Variants in GABRE observed in about 807,000 individuals in gnomAD.
GABRE encodes the protein gamma-aminobutyric acid type A receptor subunit epsilon, also known as gamma-aminobutyric acid receptor subunit epsilon.
A neutral mutation model predicts 31.0 loss-of-function variants in GABRE; 20 were observed. The ratio of observed to expected loss-of-function variants is 0.64; its 90% CI spans 0.45 to 0.94. The LOEUF is 0.94. Among genes scored for constraint, GABRE ranks in the 40% least tolerant of loss-of-function variants. The probability of loss-of-function intolerance (pLI) is 0.00; values close to 1 mark genes in which losing one functional copy is unlikely to be tolerated. For synonymous variants in GABRE, 155 were observed against 150.6 expected, an observed-to-expected ratio of 1.03 and a Z score of -0.21; for missense variants, 420 against 410.7, an observed-to-expected ratio of 1.02 and a Z score of -0.20.
rs1204946997 is a variant in GABRE at position 151,954,575 on chromosome X, G to A, written c.*126C>T. 1 of 501,416 alleles carries A rather than the reference G, an allele frequency of 2.0e-6. No individual in the cohort carries two copies. Among genetic ancestry groups the A allele is most frequent in the Admixed American group, 4.1e-5 (1 of 24,114 alleles). 41.3% of individuals were successfully genotyped at this position (501,416 alleles called of 1,213,427 possible). On this transcript the variant is annotated 3_prime_UTR_variant, in exon 9 of 9. Transcript: ENST00000370328. ...CAAACCCTCTGCAAGCTTCTGTTTG[G>A]GGAATGGGGCAGGAAAAACTCTAGT... is the stretch of plus-strand genomic sequence containing the variant.
chrX:151,962,193 G>GT (rs1206876339), intron 4 of GABRE, among the ~76,000 whole-genome samples: 3 of 112,001 alleles, frequency 2.7e-5, no homozygotes, highest in Admixed American at 9.5e-5. Context: ...AAGTAACTGA[G>GT]TACCAGTTCC....
At chrX:151,965,210 A>G (rs73618908) in intron 3 of GABRE, among the ~76,000 whole-genome samples, 1,346 of 111,605 alleles carry the variant, frequency 0.012, 19 homozygotes, top group African/African-American at 0.042. Flanking sequence ...ATTTAGTCTC[A>G]TGTTTTTTAA....
In GABRE at chrX:151,954,856, A is replaced by ACTT; in HGVS notation, c.1363_1365dup (p.Lys455dup). The ACTT allele has an allele frequency of 4.1e-6, 5 of 1,211,685 alleles. No individual in the cohort carries two copies. The South Asian group carries it at 8.8e-5, about 21-fold the overall frequency. On this transcript the variant is annotated inframe_insertion, in exon 9 of 9. Coordinates refer to ENST00000370328, the MANE Select transcript of GABRE (RefSeq NM_004961.4). ...TCACAATCGGGGACCATGCAGAAGT[A>ACTT]CTTCTTAAAACGCTTGCACCACTCA...
chrX:151,962,858 A>G (rs1934425105), intron 3 of GABRE, among the ~76,000 whole-genome samples: 1 of 111,639 alleles, frequency 9.0e-6, no homozygotes, highest in African/African-American at 3.3e-5. Flanking sequence ...CTCAGAGGTT[A>G]CCAAGCCTAA....
intron 6 of GABRE, chrX:151,956,593 A>G (rs1413851420): frequency 8.9e-6 from 1 of 112,489 alleles, no homozygotes; most frequent in Non-Finnish European, 1.9e-5. Context: ...GATGGCCTGC[A>G]ATTTTACACC....
rs761819053 is a variant in GABRE at position 151,970,275 on chromosome X, C to A, written c.184G>T (p.Gly62Trp). Reference sequence around the variant, plus strand: ...TCTGGCAGTTTGCCAACTCTGCTCCCAGTCTCAGTCTCAGTTGACTTTGTT... The same window carrying A: ...TCTGGCAGTTTGCCAACTCTGCTCCAAGTCTCAGTCTCAGTTGACTTTGTT... ...EETKSTETET[G>W]SRVGKLPEAS... Residue 62 changes from glycine (G) to tryptophan (W), a missense_variant, in exon 2 of 9, where the codon GGG becomes TGG. By Grantham distance (184) the Gly-to-Trp change is radical (BLOSUM62 -2). Transcript: ENST00000370328. 1.7e-6 allele frequency: 2 copies of A among 1,211,983 alleles called. No individual in the cohort carries two copies. The highest frequency in any genetic ancestry group is 3.5e-5 in the South Asian group (2 of 56,962).
chrX:151,963,574 T>C (rs1034900947), intron 3 of GABRE, among the ~76,000 whole-genome samples: 1 of 112,418 alleles, frequency 8.9e-6, no homozygotes, highest in Admixed American at 9.4e-5. Flanking sequence ...ATGCAGATCT[T>C]ACTGACATGG....
rs1701722293 is a variant in GABRE at position 151,961,866 on chromosome X, T to C, written c.564-501A>G. 3.6e-5 allele frequency among the ~76,000 whole-genome samples: 4 copies of C among 111,183 alleles called. No homozygotes were observed. In the South Asian group the frequency reaches 1.5e-3, roughly 42 times the overall value. On this transcript the variant is annotated intron_variant, in intron 4 of 8. Coordinates refer to ENST00000370328, the MANE Select transcript of GABRE (RefSeq NM_004961.4). ...ACAAAACAAACAAACAGCTTAGAAG[T>C]ATCTGGTTACTCTGGGCTCCATCAT...
At chrX:151,962,828 A>T (rs1179229968) in intron 3 of GABRE, among the ~76,000 whole-genome samples, 185 bp from the exon 4 acceptor site, 1 of 111,725 alleles carries the variant, frequency 9.0e-6, no homozygotes, top group Non-Finnish European at 1.9e-5. Flanking sequence ...GACTCTTCCA[A>T]TGTCAGAACT....
chrX:151,974,445 G>A, intron 1 of GABRE, 125 bp downstream of exon 1: 1 of 456,613 alleles, frequency 2.2e-6, no homozygotes, highest in South Asian at 4.4e-5. Flanking sequence ...CCCGCGGTAG[G>A]GCCGGGGCAA....
intron 1 of GABRE, chrX:151,971,091 T>C: frequency 1.2e-6 from 1 of 828,638 alleles, no homozygotes; most frequent in Non-Finnish European, 1.5e-6. Context: ...TAAGAATAAT[T>C]GAATTAAACA....
intron 3 of GABRE, among the ~76,000 whole-genome samples, chrX:151,966,982 A>C (rs935425200): frequency 8.9e-6 from 1 of 111,871 alleles, no homozygotes; most frequent in Admixed American, 9.5e-5. Context: ...AGCTACTGTG[A>C]GTGGGGCTAC....
chrX:151,968,831 G>T (rs1277731310), intron 3 of GABRE, among the ~76,000 whole-genome samples: 2 of 112,161 alleles, frequency 1.8e-5, no homozygotes, highest in Admixed American at 9.4e-5. Flanking sequence ...AATGATGTAG[G>T]CAAGATCAGG....
At chrX:151,966,204 G>A (rs772765705) in intron 3 of GABRE, among the ~76,000 whole-genome samples, 3 of 112,544 alleles carry the variant, frequency 2.7e-5, no homozygotes, top group Non-Finnish European at 5.6e-5. Flanking sequence ...AGCTTGCGAT[G>A]TACATCCCTT....
chrX:151,957,577 T>C (rs919089244), intron 6 of GABRE: 3 of 287,711 alleles, frequency 1.0e-5, no homozygotes, highest in African/African-American at 8.3e-5. Context: ...GAAGATTTAT[T>C]ATTCTGTTGG....
chrX:151,962,316 C>T (rs1934406220), intron 4 of GABRE, 107 bp downstream of exon 4: 2 of 696,761 alleles, frequency 2.9e-6, no homozygotes, highest in African/African-American at 4.3e-5. Flanking sequence ...TGGACAGGCC[C>T]TTAGAGGTAT....
intron 1 of GABRE, chrX:151,971,229 G>T: frequency 2.4e-6 from 1 of 417,929 alleles, no homozygotes; most frequent in Non-Finnish European, 3.9e-6. Context: ...TCGGGTCCTT[G>T]ATTTGGCTTT....
At chrX:151,957,260 G>C in intron 6 of GABRE, 1 of 227,589 alleles carries the variant, frequency 4.4e-6, no homozygotes, top group South Asian at 5.2e-5. Context: ...AGCTGAATGA[G>C]AAGAGCAGCC....
chrX:151,963,237 T>C (rs1934435862), intron 3 of GABRE, among the ~76,000 whole-genome samples: 3 of 112,240 alleles, frequency 2.7e-5, no homozygotes, highest in African/African-American at 6.5e-5. Flanking sequence ...AGAGCCAACA[T>C]TGAATCAAGG....
Sources: allele counts gnomAD v4.1 joint callset (sites outside exome capture counted in the v4.1 genomes callset), GRCh38; gene constraint gnomAD v4.1.1; transcripts MANE v1.5; gene names NCBI Gene and HGNC (gene_info 2026-07-23, HGNC 2026-07-21).